DHX8: variants seen among roughly 807,000 people sequenced by gnomAD.
The protein encoded by DHX8 is DEAH-box helicase 8.
DHX8 carries 67 observed loss-of-function variants against 140.7 expected under a neutral mutation model. The ratio of observed to expected loss-of-function variants is 0.48; its 90% CI spans 0.39 to 0.58. The LOEUF is 0.58. DHX8 is among the 20% of genes least tolerant of loss of function. DHX8 has a pLI of 0.00. For missense variants in DHX8, 887 were observed against 1,550.7 expected, an observed-to-expected ratio of 0.57 and a Z score of 7.19; for synonymous variants, 533 against 553.2, an observed-to-expected ratio of 0.96 and a Z score of 0.51.
intron 5 of DHX8, among the ~76,000 whole-genome samples, 172 bp downstream of exon 5, chr17:43,492,464 T>TACAATA (rs1352740794): frequency 2.6e-5 from 4 of 152,128 alleles, no homozygotes; most frequent in African/African-American, 9.7e-5. Flanking sequence ...AAATGCTAGG[T>TACAATA]TGTTCAGAAT....
chr17:43,518,171 A>T (rs1303058059), intron 18 of DHX8: 4 of 152,218 alleles, frequency 2.6e-5, no homozygotes, highest in African/African-American at 9.6e-5. Context: ...GGCACTTGGC[A>T]CAGTGCTTGA....
At chr17:43,498,311 A>AT (rs560438253) in intron 9 of DHX8, among the ~76,000 whole-genome samples, 1 of 150,874 alleles carries the variant, frequency 6.6e-6, no homozygotes, top group Non-Finnish European at 1.5e-5. Context: ...AGCCCAGCTA[A>AT]TTTTTTTGTA....
At chr17:43,533,333 G>C (rs772038899) in intron 2 of DHX8, 4 of 1,612,908 alleles carry the variant, frequency 2.5e-6, no homozygotes, top group Admixed American at 3.3e-5. Flanking sequence ...CGATTTGTCT[G>C]GGGGGGTCAT....
At chr17:43,484,453 A>G (rs1011941796) in intron 1 of DHX8, among the ~76,000 whole-genome samples, 7 of 152,062 alleles carry the variant, frequency 4.6e-5, no homozygotes, top group African/African-American at 1.4e-4. Flanking sequence ...TTCAGCCTCA[A>G]TTAAACATGT....
chr17:43,527,313 G>GCCTTTCTCCTTTGCC, downstream of DHX8, among the ~76,000 whole-genome samples: 1 of 152,324 alleles, frequency 6.6e-6, no homozygotes, highest in Admixed American at 6.5e-5. Flanking sequence ...TGGCCTGGGA[G>GCCTTTCTCCTTTGCC]CCTTTCTCCT....
In DHX8 at chr17:43,483,980, G is replaced by A; in HGVS notation, c.-58G>A. 5 of 1,591,640 alleles carry A rather than the reference G, an allele frequency of 3.1e-6. No homozygotes were observed. Among genetic ancestry groups the A allele is most frequent in the Non-Finnish European group, 4.3e-6 (5 of 1,168,402 alleles). On this transcript the variant is annotated 5_prime_UTR_variant, in exon 1 of 23. Transcript: ENST00000262415. ...GACCCGGAAGTGAAAGCTGGAACCC[G>A]GCCGGAGTAGCTCTGAGCGCCGGCT...
In DHX8 at chr17:43,492,714, C is replaced by T. The variant is rs1239328820; in HGVS notation, c.537C>T (p.Ser179=). The change falls in exon 6 of 23, where the codon AGC becomes AGT. Residue 179 remains serine (S), a synonymous_variant. Coordinates refer to ENST00000262415, the MANE Select transcript of DHX8 (RefSeq NM_004941.3). ...CAAAGAAGAAGAAGCGGAGTCGAAGCCGAGATCGAAACCGAGATCGAGACA... is the reference window on the plus strand; with the variant it reads ...CAAAGAAGAAGAAGCGGAGTCGAAGTCGAGATCGAAACCGAGATCGAGACA... ...DRTKKKKRSR[S]RDRNRDRDRD... The T allele has an allele frequency of 6.2e-7, 1 of 1,603,530 alleles. No individual in the cohort carries two copies. Among genetic ancestry groups the T allele is most frequent in the East Asian group, 2.2e-5 (1 of 44,834 alleles).
downstream of DHX8, chr17:43,526,071 C>G: frequency 1.0e-6 from 1 of 985,370 alleles, no homozygotes; most frequent in African/African-American, 1.7e-5. Context: ...TAGCTGGGTT[C>G]TGACCTTTTG....
intron 2 of DHX8, among the ~76,000 whole-genome samples, chr17:43,534,218 A>G (rs1971113160): frequency 1.3e-5 from 2 of 152,314 alleles, no homozygotes; most frequent in East Asian, 3.9e-4. Context: ...TAAACCATCT[A>G]AAGTTCAACA....
intron 1 of DHX8, among the ~76,000 whole-genome samples, chr17:43,484,550 A>G (rs1025109682): frequency 6.6e-6 from 1 of 152,176 alleles, no homozygotes; most frequent in East Asian, 1.9e-4. Context: ...TGCGATGCTC[A>G]GCTCTTTATT....
chr17:43,529,843 G>T (rs766689856), downstream of DHX8: 1 of 1,609,122 alleles, frequency 6.2e-7, no homozygotes, highest in South Asian at 1.1e-5. Flanking sequence ...GACACAGCGT[G>T]ATAAGACCTT....
At chr17:43,500,683 C>T (rs1466189559) in intron 11 of DHX8, among the ~76,000 whole-genome samples, 3 of 151,876 alleles carry the variant, frequency 2.0e-5, no homozygotes, top group South Asian at 2.1e-4. Context: ...GAGGCTGAGG[C>T]GGGCGGATCA....
intron 2 of DHX8, chr17:43,532,563 G>A: frequency 2.1e-6 from 2 of 970,516 alleles, no homozygotes; most frequent in Non-Finnish European, 3.0e-6. Context: ...AAGTGGGTGG[G>A]TGGGTTGGAT....
At chr17:43,543,850 T>A (rs1971655162) in intron 3 of DHX8, 1 of 152,098 alleles carries the variant, frequency 6.6e-6, no homozygotes, top group Admixed American at 6.5e-5. Flanking sequence ...ACATATATAT[T>A]TTTAGAATAT....
chr17:43,537,476 T>C (rs1417355332), intron 3 of DHX8, among the ~76,000 whole-genome samples: 18 of 139,154 alleles, frequency 1.3e-4, no homozygotes, highest in Non-Finnish European at 1.6e-5. Context: ...GGAGGATCAC[T>C]TGAGATCAGG....
chr17:43,490,410 TG>T lies in DHX8; in HGVS notation c.255del (p.Leu85PhefsTer31). ...TCAAAGGATTCTCTTATTAGTAACT[TG>T]CTGCGTCTCATACAAACCATGCGGC... Reference protein sequence around the residue: ...AEFTDSLISNLLRLIQTMRPP... With the variant: ...AEFTDSLISNXLRLIQTMRPP... On this transcript the variant is annotated frameshift_variant, in exon 3 of 23. Transcript: ENST00000262415. LOFTEE classifies it high-confidence loss of function. The T allele has an allele frequency of 6.2e-7, 1 of 1,613,722 alleles. No individual in the cohort carries two copies. The highest frequency in any genetic ancestry group is 8.5e-7 in the Non-Finnish European group (1 of 1,179,928).
intron 1 of DHX8, among the ~76,000 whole-genome samples, chr17:43,488,668 C>A (rs1236233145): frequency 6.6e-6 from 1 of 151,782 alleles, no homozygotes; most frequent in African/African-American, 2.4e-5. Context: ...GCAAAAAAGT[C>A]TTTCATCAAT....
downstream of DHX8, chr17:43,529,454 C>G (rs1489070198): frequency 6.4e-7 from 1 of 1,569,780 alleles, no homozygotes; most frequent in African/African-American, 1.4e-5. Context: ...TCTCCCACCT[C>G]CAGGCTGTAA....
intron 17 of DHX8, 67 bp downstream of exon 17, chr17:43,513,569 G>C: frequency 6.6e-7 from 1 of 1,517,866 alleles, no homozygotes. Context: ...ACTTTTTTAT[G>C]GTTATATATT....
Sources: allele counts gnomAD v4.1 joint callset (sites outside exome capture counted in the v4.1 genomes callset), GRCh38; gene constraint gnomAD v4.1.1; transcripts MANE v1.5; gene names NCBI Gene and HGNC (gene_info 2026-07-23, HGNC 2026-07-21).